The following TUSC3 variants were observed in gnomAD, a reference collection of about 807,000 sequenced individuals.
TUSC3 encodes dolichyl-diphosphooligosaccharide--protein glycosyltransferase subunit TUSC3.
A neutral mutation model predicts 44.8 loss-of-function variants in TUSC3; 45 were observed. The observed-to-expected ratio is 1.00, with a 90% confidence interval of 0.79 to 1.29. TUSC3 has a LOEUF of 1.29. Ranked by LOEUF, TUSC3 falls within the 50% of genes most tolerant of loss-of-function variation. TUSC3 has a pLI of 0.00. For missense variants in TUSC3, 519 were observed against 437.9 expected (o/e 1.19, Z -1.65); for synonymous variants, 212 against 152.9 (o/e 1.39, Z -2.85).
chr8:15,522,107 A>G (rs533686179), intron 2 of TUSC3, among the ~76,000 whole-genome samples: 3 of 152,172 alleles, frequency 2.0e-5, no homozygotes, highest in South Asian at 2.1e-4. Context: ...ACAGTAGACT[A>G]TTGTTGTGTC....
At chr8:15,488,518 T>A (rs1359640499) in intron 2 of TUSC3, among the ~76,000 whole-genome samples, 1 of 152,004 alleles carries the variant, frequency 6.6e-6, no homozygotes. Flanking sequence ...AAACTGTTTT[T>A]TTGTCATCTT....
chr8:15,433,430 G>A (rs1253167107), intron 1 of TUSC3, among the ~76,000 whole-genome samples: 1 of 152,038 alleles, frequency 6.6e-6, no homozygotes, highest in Non-Finnish European at 1.5e-5. Context: ...ATTAGTTTGA[G>A]TTTTGACAAA....
the TUSC3 span, among the ~76,000 whole-genome samples, chr8:15,815,198 G>A: frequency 6.6e-6 from 1 of 152,230 alleles, no homozygotes; most frequent in African/African-American, 2.4e-5. Context: ...AAGACTTCAA[G>A]GAAGGTATTG....
rs111417980 is a variant in TUSC3, at chr8:15,475,959, C to A, written n.92-7427C>A. On this transcript the variant is annotated intron_variant and non_coding_transcript_variant, in intron 1 of 5. Coordinates refer to the TUSC3 transcript ENST00000503191. ...ACATTTAGAGCTCAATAGAACAGGACTTCTGGAATTTTAACAACATAATGA... is the reference window on the plus strand; with the variant it reads ...ACATTTAGAGCTCAATAGAACAGGAATTCTGGAATTTTAACAACATAATGA... Among the ~76,000 whole-genome samples the A allele has an allele frequency of 1.9e-3, 293 of 152,226 alleles. 1 individual carries two copies. Among genetic ancestry groups the A allele is most frequent in the African/African-American group, 6.8e-3 (282 of 41,552 alleles).
intron 6 of TUSC3, among the ~76,000 whole-genome samples, chr8:15,729,407 A>C (rs1018720070): frequency 6.6e-6 from 1 of 152,138 alleles, no homozygotes; most frequent in South Asian, 2.1e-4. Context: ...AAGTTAGGTA[A>C]ATTTTTCTAA....
At position 15,660,424 on chromosome 8, in the gene TUSC3, A is replaced by G. The variant is rs567877936; in HGVS notation, c.567+777A>G. Among the ~76,000 whole-genome samples, 54 of 152,146 alleles carry G rather than the reference A, an allele frequency of 3.5e-4. No individual in the cohort carries two copies. The East Asian group carries it at 8.5e-3, about 24-fold the overall frequency. On this transcript the variant is annotated intron_variant, in intron 4 of 10. Coordinates refer to ENST00000503731, the MANE Select transcript of TUSC3 (RefSeq NM_006765.4). ...ATATGAGTATAGATTGACATAGACA[A>G]TTTATTATGGAAGGAAATGAACCTA...
chr8:15,485,051 C>T (rs553019736), intron 2 of TUSC3, among the ~76,000 whole-genome samples: 1 of 152,210 alleles, frequency 6.6e-6, no homozygotes, highest in East Asian at 1.9e-4. Flanking sequence ...TGTCTCAGGT[C>T]ATTCATTTTT....
At chr8:15,770,958 C>T (rs79478405), downstream of TUSC3, among the ~76,000 whole-genome samples, 1 of 152,058 alleles carries the variant, frequency 6.6e-6, no homozygotes, top group African/African-American at 2.4e-5. Context: ...GAGATCCATA[C>T]CAAGACACAT....
At chr8:15,813,038 G>A in the TUSC3 span, among the ~76,000 whole-genome samples, 18,944 of 152,128 alleles carry the variant, frequency 0.12, 1,263 homozygotes, top group Admixed American at 0.2. Context: ...AGGATGCAGT[G>A]AGCTGAGATC....
At chr8:15,487,294 G>C (rs1238298080) in intron 2 of TUSC3, among the ~76,000 whole-genome samples, 1 of 152,116 alleles carries the variant, frequency 6.6e-6, no homozygotes, top group Non-Finnish European at 1.5e-5. Context: ...CAAAGCTTCT[G>C]AGTATCTTGA....
chr8:15,717,481 A>G (rs1462039351), intron 6 of TUSC3, among the ~76,000 whole-genome samples: 1 of 151,872 alleles, frequency 6.6e-6, no homozygotes, highest in Non-Finnish European at 1.5e-5. Flanking sequence ...CTATCTCCAG[A>G]CTCCTTCCCA....
At chr8:15,457,150 C>T (rs1407124360) in intron 1 of TUSC3, among the ~76,000 whole-genome samples, 1 of 126,502 alleles carries the variant, frequency 7.9e-6, no homozygotes, top group East Asian at 2.3e-4. Context: ...GGGAAGATCA[C>T]ACACTGGGGC....
chr8:15,772,465 T>A, the TUSC3 span, among the ~76,000 whole-genome samples: 1 of 152,062 alleles, frequency 6.6e-6, no homozygotes, highest in Admixed American at 6.5e-5. Context: ...CTATGAAAAT[T>A]TACTCAACAA....
chr8:15,502,830 A>C (rs911494690), intron 2 of TUSC3, among the ~76,000 whole-genome samples: 2 of 152,282 alleles, frequency 1.3e-5, no homozygotes, highest in Middle Eastern at 3.4e-3. Flanking sequence ...TCTTTATCCT[A>C]CATTTTGCAG....
At chr8:15,645,837 A>G (rs1806600946) in intron 2 of TUSC3, among the ~76,000 whole-genome samples, 1 of 152,120 alleles carries the variant, frequency 6.6e-6, no homozygotes, top group South Asian at 2.1e-4. Context: ...ACTAAAGTAA[A>G]GGAAATCTGC....
chr8:15,659,476 A>G (rs747752841), intron 3 of TUSC3, 31 bp from the exon 4 acceptor site: 21 of 1,605,552 alleles, frequency 1.3e-5, no homozygotes, highest in African/African-American at 1.1e-4. Context: ...AGATGATCCT[A>G]TATTTAGTAT....
chr8:15,778,331 C>T, the TUSC3 span, among the ~76,000 whole-genome samples: 1 of 152,092 alleles, frequency 6.6e-6, no homozygotes, highest in Non-Finnish European at 1.5e-5. Context: ...TTACAGTTTA[C>T]TTTTAGGGTC....
At chr8:15,625,864 G>A (rs955805864) in intron 2 of TUSC3, among the ~76,000 whole-genome samples, 5 of 152,200 alleles carry the variant, frequency 3.3e-5, no homozygotes, top group African/African-American at 7.2e-5. Context: ...AAAACAGCAC[G>A]TTAGGTGATT....
the TUSC3 span, among the ~76,000 whole-genome samples, chr8:15,798,587 G>C: frequency 1.3e-5 from 2 of 152,068 alleles, no homozygotes; most frequent in Admixed American, 1.3e-4. Flanking sequence ...CGTGGCGGCA[G>C]CTTTGGTTCA....
Sources: allele counts gnomAD v4.1 joint callset (sites outside exome capture counted in the v4.1 genomes callset), GRCh38; gene constraint gnomAD v4.1.1; transcripts MANE v1.5; gene names NCBI Gene and HGNC (gene_info 2026-07-23, HGNC 2026-07-21).